Variants in DOCK9 observed in about 807,000 individuals in gnomAD.
DOCK9 encodes dedicator of cytokinesis 9.
A neutral mutation model predicts 263.3 loss-of-function variants in DOCK9; 89 were observed. The observed-to-expected ratio is 0.34, with a 90% CI of 0.28 to 0.40. The LOEUF is 0.40. Ranked by LOEUF, DOCK9 falls within the 10% of genes least tolerant of loss-of-function variation. The pLI is 1.00. For synonymous variants in DOCK9, 976 were observed against 973.1 expected (o/e 1.00, Z -0.06); for missense variants, 2,140 against 2,603.4 (o/e 0.82, Z 3.87).
chr13:99,007,009 T>TTGAGGCTTTAG (rs1883456292), intron 1 of DOCK9, among the ~76,000 whole-genome samples: 3 of 152,096 alleles, frequency 2.0e-5, no homozygotes, highest in Non-Finnish European at 2.9e-5. Flanking sequence ...GCAGGATGGT[T>TTGAGGCTTTAG]TGAGCCCAGG....
chr13:98,844,383 A>ATAAATTTTTTTTT (rs2093326520), intron 38 of DOCK9, among the ~76,000 whole-genome samples: 2 of 150,008 alleles, frequency 1.3e-5, no homozygotes. Context: ...TTTTTTTTTG[A>ATAAATTTTTTTTT]GATAGGGTCT....
chr13:98,832,594 C>A (rs1459731064), intron 39 of DOCK9, among the ~76,000 whole-genome samples: 1 of 152,206 alleles, frequency 6.6e-6, no homozygotes, highest in African/African-American at 2.4e-5. Context: ...ACTTTGGAAG[C>A]CTGGTTGGCT....
chr13:98,819,524 A>C (rs1002951970), intron 45 of DOCK9, among the ~76,000 whole-genome samples: 10 of 152,216 alleles, frequency 6.6e-5, no homozygotes, highest in Non-Finnish European at 1.5e-4. Context: ...TCTGGCCCCC[A>C]GCTCAGTGCC....
intron 45 of DOCK9, among the ~76,000 whole-genome samples, chr13:98,823,865 C>T (rs1314386059): frequency 2.0e-5 from 3 of 152,134 alleles, no homozygotes; most frequent in Non-Finnish European, 2.9e-5. Flanking sequence ...GTAGGGGGTG[C>T]GACAGGGTGG....
At chr13:99,034,452 G>A (rs568438968) in intron 1 of DOCK9, among the ~76,000 whole-genome samples, 7 of 152,290 alleles carry the variant, frequency 4.6e-5, no homozygotes, top group African/African-American at 1.4e-4. Context: ...GAAAAACCCA[G>A]GCTCAGAAGT....
In DOCK9 at chr13:98,831,538, G is replaced by T; in HGVS notation, c.4453-8C>A. On this transcript the variant is annotated splice_polypyrimidine_tract_variant and splice_region_variant and intron_variant, in intron 40 of 52. Transcript: ENST00000682017. ...ATAGAATGTTGAGGGAAACTAGACA[G>T]GATGAGAGGAAGCAGCAGATAAACC... is the stretch of plus-strand genomic sequence containing the variant. 33 of 1,585,190 alleles carry T rather than the reference G, an allele frequency of 2.1e-5. No homozygotes were observed. Among genetic ancestry groups the T allele is most frequent in the Non-Finnish European group, 2.8e-5 (33 of 1,164,706 alleles).
rs535371809 is a variant in DOCK9, at chr13:98,885,276, G to A, written c.2261-184C>T. The stretch of plus-strand genomic sequence containing the variant: ...GTCTACAATGTACTTAGGCCTTTTC[G>A]GGGTTAGAATTCTACAATCTTCTTT... On this transcript the variant is annotated intron_variant, in intron 20 of 52. Transcript: ENST00000682017. 5.9e-5 allele frequency: 48 copies of A among 816,610 alleles called. 1 individual carries two copies. In the South Asian group the frequency reaches 8.2e-4, roughly 14 times the overall value. 50.6% of individuals were successfully genotyped at this position (816,610 alleles called of 1,614,324 possible). A position where few individuals can be genotyped will look rare whatever the true frequency, so the allele number is the denominator to read the frequency against.
At chr13:99,063,628 G>A (rs1006280861) in intron 1 of DOCK9, among the ~76,000 whole-genome samples, 3 of 152,288 alleles carry the variant, frequency 2.0e-5, no homozygotes, top group South Asian at 2.1e-4. Flanking sequence ...AACCATGTGT[G>A]GTGAGGGTCC....
chr13:98,809,103 C>A, intron 47 of DOCK9: 1 of 1,542,940 alleles, frequency 6.5e-7, no homozygotes, highest in South Asian at 1.2e-5. Flanking sequence ...CTAAGAATGT[C>A]TTAAGGAGGA....
chr13:98,879,745 G>A (rs984513611), intron 27 of DOCK9, among the ~76,000 whole-genome samples, 153 bp downstream of exon 27: 3 of 152,118 alleles, frequency 2.0e-5, no homozygotes, highest in Admixed American at 6.5e-5. Context: ...TCCTCAAAGC[G>A]TTGTTATGAA....
At chr13:98,846,209 C>T (rs2093386740) in intron 37 of DOCK9, 149 bp from the exon 38 acceptor site, 18 of 1,009,888 alleles carry the variant, frequency 1.8e-5, no homozygotes, top group Middle Eastern at 2.8e-4. Context: ...CACAGACAGG[C>T]GGCAGCTCCT....
intron 2 of DOCK9, among the ~76,000 whole-genome samples, chr13:98,953,115 G>A (rs569790078): frequency 1.3e-5 from 2 of 152,242 alleles, no homozygotes; most frequent in Non-Finnish European, 1.5e-5. Context: ...TAACAAGAAA[G>A]CACAGAGTAC....
Position 98,868,239 on chromosome 13 carries a change from A to G in DOCK9, c.3082T>C (p.Phe1028Leu). 6.2e-7 allele frequency: 1 copy of G among 1,613,656 alleles called. No homozygotes were observed. The highest frequency in any genetic ancestry group is 1.7e-5 in the Admixed American group (1 of 59,950). Residue 1028 changes from phenylalanine to leucine, a missense_variant, in exon 28 of 53, where the codon TTC becomes CTC. This residue lies in a region of DOCK9 where 1,521 missense variants were observed against 1,741.7 expected (regional missense o/e 0.87). Coordinates refer to ENST00000682017, the MANE Select transcript of DOCK9 (RefSeq NM_001366683.2). ...SKNANHSLAVFIKRCFTFMDR... is the reference protein window; with the variant it reads ...SKNANHSLAVLIKRCFTFMDR... ...TCCCTGGAGGTCCCCACCTTGATGA[A>G]GACAGCAAGGCTATGATTCGCGTTC... is the stretch of plus-strand genomic sequence containing the variant.
intron 1 of DOCK9, among the ~76,000 whole-genome samples, chr13:99,062,068 C>T (rs767943085): frequency 2.0e-5 from 3 of 151,924 alleles, no homozygotes; most frequent in African/African-American, 7.3e-5. Context: ...GACGGGCTCT[C>T]GCTATGTTGC....
At chr13:98,855,237 T>C (rs554413161) in intron 34 of DOCK9, among the ~76,000 whole-genome samples, 20 of 152,284 alleles carry the variant, frequency 1.3e-4, no homozygotes, top group East Asian at 1.2e-3. Context: ...AACACCCTTG[T>C]GGGTGGAGAG....
At chr13:99,067,648 C>G (rs571040339) in intron 1 of DOCK9, among the ~76,000 whole-genome samples, 1 of 152,334 alleles carries the variant, frequency 6.6e-6, no homozygotes, top group South Asian at 2.1e-4. Flanking sequence ...AGTGACTTCT[C>G]CATTGTGCAG....
intron 31 of DOCK9, 100 bp downstream of exon 31, chr13:98,863,270 T>C (rs1026381071): frequency 1.9e-4 from 291 of 1,512,448 alleles, no homozygotes; most frequent in Middle Eastern, 1.3e-3. Flanking sequence ...AGCAAAATCT[T>C]AGTGCTGTTA....
chr13:99,017,378 G>C (rs941410339), intron 1 of DOCK9, among the ~76,000 whole-genome samples: 3 of 152,080 alleles, frequency 2.0e-5, no homozygotes, highest in Non-Finnish European at 4.4e-5. Flanking sequence ...CTCCTATACA[G>C]CAAGAGAAAT....
At chr13:99,080,108 GTTTCT>G (rs2042069105) in intron 1 of DOCK9, among the ~76,000 whole-genome samples, 2 of 152,102 alleles carry the variant, frequency 1.3e-5, no homozygotes, top group Admixed American at 6.5e-5. Context: ...GTTTTATGTG[GTTTCT>G]TTTATTTTAC....
Sources: gnomAD v4.1 joint callset for allele counts (sites outside exome capture counted in the v4.1 genomes callset) on GRCh38, gnomAD v4.1.1 for gene constraint, gnomAD v4.1.1 regional missense constraint, MANE v1.5 for transcripts, NCBI Gene and HGNC (gene_info 2026-07-23, HGNC 2026-07-21) for gene names.